The following CADPS2 variants were observed in gnomAD, a reference collection of about 807,000 sequenced individuals.
CADPS2 encodes calcium dependent secretion activator 2.
Under a neutral mutation model 172.5 loss-of-function variants are expected in CADPS2, and 93 were observed. That is an observed-to-expected ratio of 0.54 (90% CI 0.46 to 0.64). The LOEUF is 0.64. CADPS2 is among the 30% of genes least tolerant of loss of function. The pLI, the probability that CADPS2 is intolerant of heterozygous loss-of-function variation, is 0.00. For synonymous variants in CADPS2, 546 were observed against 555.2 expected (o/e 0.98, Z 0.23); for missense variants, 1,420 against 1,565.9 (o/e 0.91, Z 1.57).
intron 14 of CADPS2, among the ~76,000 whole-genome samples, chr7:122,460,021 T>C (rs1388741453): frequency 3.3e-5 from 5 of 152,164 alleles, no homozygotes; most frequent in African/African-American, 1.2e-4. Flanking sequence ...GCAGCAGTCA[T>C]TTAGGTGAAA....
intron 19 of CADPS2, among the ~76,000 whole-genome samples, chr7:122,410,334 A>T (rs1204725152): frequency 6.6e-6 from 1 of 152,172 alleles, no homozygotes; most frequent in Non-Finnish European, 1.5e-5. Context: ...ACAGAGCGAG[A>T]CACTGTCTTA....
At chr7:122,713,790 A>C (rs1329767487) in intron 2 of CADPS2, among the ~76,000 whole-genome samples, 1 of 152,094 alleles carries the variant, frequency 6.6e-6, no homozygotes, top group African/African-American at 2.4e-5. Flanking sequence ...TAGAAGATGC[A>C]TGAAAACAGT....
At chr7:122,769,755 GACAGAC>G (rs1209925307) in intron 1 of CADPS2, among the ~76,000 whole-genome samples, 2 of 152,160 alleles carry the variant, frequency 1.3e-5, no homozygotes, top group Non-Finnish European at 2.9e-5. Context: ...TTCAGGGTGA[GACAGAC>G]ACAGGTTTGA....
chr7:122,650,102 G>T (rs1337255906), intron 3 of CADPS2, among the ~76,000 whole-genome samples: 1 of 150,948 alleles, frequency 6.6e-6, no homozygotes, highest in Admixed American at 6.6e-5. Context: ...GTAGAGACAG[G>T]TTTCACCATG....
At chr7:122,758,831 G>C (rs943057584) in intron 1 of CADPS2, among the ~76,000 whole-genome samples, 1 of 151,916 alleles carries the variant, frequency 6.6e-6, no homozygotes, top group African/African-American at 2.4e-5. Context: ...AACCATTAAC[G>C]TTTTTAAACT....
chr7:122,450,521 CTTTTTTTTTT>C (rs11422329), intron 15 of CADPS2, among the ~76,000 whole-genome samples: 9 of 79,132 alleles, frequency 1.1e-4, no homozygotes, highest in African/African-American at 2.3e-4. Context: ...TATTGGTGGC[CTTTTTTTTTT>C]TTTTTTTTTT....
chr7:122,337,689 T>C (rs1240141575), intron 28 of CADPS2, among the ~76,000 whole-genome samples: 2 of 151,070 alleles, frequency 1.3e-5, no homozygotes, highest in African/African-American at 4.9e-5. Flanking sequence ...ACAATGAGGA[T>C]TATTAACTCA....
At position 122,815,596 on chromosome 7, in the gene CADPS2, A is replaced by G. The variant is rs990886593; in HGVS notation, c.339+70403T>C. ...GCAATAGACCTGGAGGAAAAAAAAA[A>G]TCCATGGGTAATAATGAAATACAAA... On this transcript the variant is annotated intron_variant, in intron 1 of 29. Coordinates refer to ENST00000449022, the MANE Select transcript of CADPS2 (RefSeq NM_017954.11). Among the ~76,000 whole-genome samples, 110 of 151,476 alleles carry G rather than the reference A, an allele frequency of 7.3e-4. 1 individual carries two copies. Among genetic ancestry groups the G allele is most frequent in the African/African-American group, 2.6e-3 (106 of 41,244 alleles).
intron 14 of CADPS2, among the ~76,000 whole-genome samples, chr7:122,456,480 G>C (rs911324646): frequency 1.3e-5 from 2 of 152,022 alleles, no homozygotes; most frequent in African/African-American, 2.4e-5. Context: ...TGTGAAAAAG[G>C]CTTAATATAT....
At chr7:122,333,274 C>T (rs2035299963) in intron 28 of CADPS2, among the ~76,000 whole-genome samples, 1 of 152,188 alleles carries the variant, frequency 6.6e-6, no homozygotes, top group African/African-American at 2.4e-5. Context: ...CTTGGAACTG[C>T]TATTAAATGG....
chr7:122,868,956 GAGA>G (rs1819012669), intron 1 of CADPS2, among the ~76,000 whole-genome samples: 2 of 152,112 alleles, frequency 1.3e-5, no homozygotes, highest in African/African-American at 4.8e-5. Flanking sequence ...TCAAGAGGAA[GAGA>G]AGATTAGCAA....
chr7:122,699,096 G>C (rs2085624961), intron 2 of CADPS2: 4 of 561,438 alleles, frequency 7.1e-6, no homozygotes, highest in South Asian at 5.5e-5. Flanking sequence ...TCTTACTAGA[G>C]AGAGGTGAAA....
chr7:122,879,053 T>C (rs1210583521), intron 1 of CADPS2, among the ~76,000 whole-genome samples: 1 of 151,802 alleles, frequency 6.6e-6, no homozygotes, highest in African/African-American at 2.4e-5. Flanking sequence ...CTGGCCAACA[T>C]GGAAAAACCC....
At chr7:122,353,694 A>C (rs1282482321) in intron 27 of CADPS2, among the ~76,000 whole-genome samples, 1 of 152,224 alleles carries the variant, frequency 6.6e-6, no homozygotes, top group Non-Finnish European at 1.5e-5. Context: ...TCAGAGTTGG[A>C]AAGAACCTTT....
At chr7:122,883,356 T>G (rs576567525) in intron 1 of CADPS2, among the ~76,000 whole-genome samples, 1 of 152,272 alleles carries the variant, frequency 6.6e-6, no homozygotes, top group South Asian at 2.1e-4. Context: ...GATCTCAATT[T>G]CTGGGTCTCT....
intron 8 of CADPS2, among the ~76,000 whole-genome samples, chr7:122,539,211 C>T (rs1332970822): frequency 6.6e-6 from 1 of 151,972 alleles, no homozygotes; most frequent in Non-Finnish European, 1.5e-5. Flanking sequence ...AGGACTCTGC[C>T]CTCACAAATG....
intron 14 of CADPS2, among the ~76,000 whole-genome samples, chr7:122,459,360 A>G (rs1484140554): frequency 1.3e-5 from 2 of 152,030 alleles, no homozygotes; most frequent in African/African-American, 2.4e-5. Flanking sequence ...CCATATCCAA[A>G]TGTTTTCTTA....
At chr7:122,761,759 C>T (rs2138760987) in intron 1 of CADPS2, among the ~76,000 whole-genome samples, 1 of 151,134 alleles carries the variant, frequency 6.6e-6, no homozygotes, top group Admixed American at 6.6e-5. Context: ...CTTTGGGAGG[C>T]TGAGGTGGGC....
chr7:122,850,188 T>C (rs1283583628), intron 1 of CADPS2: 5 of 1,099,904 alleles, frequency 4.5e-6, no homozygotes, highest in South Asian at 5.2e-5. Flanking sequence ...CCCATGCTGA[T>C]AGAGTACCCT....
Sources: allele counts gnomAD v4.1 joint callset (sites outside exome capture counted in the v4.1 genomes callset), GRCh38; gene constraint gnomAD v4.1.1; transcripts MANE v1.5; gene names NCBI Gene and HGNC (gene_info 2026-07-23, HGNC 2026-07-21).